SLC26A11: variants seen among roughly 807,000 people sequenced by gnomAD.
The protein encoded by SLC26A11 is solute carrier family 26 member 11, also known as sodium-independent sulfate anion transporter.
In SLC26A11, 58 loss-of-function variants were observed where a neutral mutation model predicts 62.2. The observed-to-expected ratio is 0.93, with a 90% CI of 0.76 to 1.16. The LOEUF (loss-of-function observed/expected upper bound fraction) is 1.16, where lower values mean the gene tolerates loss of function less well. Ranked by LOEUF, SLC26A11 falls within the 50% of genes most tolerant of loss-of-function variation. The probability of loss-of-function intolerance (pLI) is 0.00; values close to 1 mark genes in which losing one functional copy is unlikely to be tolerated. For synonymous variants in SLC26A11, 411 were observed against 368.9 expected (o/e 1.11, Z -1.31); for missense variants, 790 against 794.3 (o/e 0.99, Z 0.06).
chr17:80,222,614 G>A lies in SLC26A11; in HGVS notation c.235-41G>A. On this transcript the variant is annotated intron_variant, in intron 3 of 17. Transcript: ENST00000361193. The surrounding 1 kb of genome is among the most constrained non-coding windows in gnomAD (Gnocchi z 4.7). ...CGCACACTAGGGAGCTGGTGGATGG[G>A]CCTCGGCCTCCTGAGTGCTCACCAC... 6.3e-7 allele frequency: 1 copy of A among 1,589,764 alleles called. No homozygotes were observed. The highest frequency in any genetic ancestry group is 8.6e-7 in the Non-Finnish European group (1 of 1,164,224).
rs370502982 is a variant in SLC26A11, at chr17:80,221,664, C to T, written c.104C>T (p.Pro35Leu). ...CCTGCGGCCCTGCAGAGGAGGCTGC[C>T]CATCCTGGCGTGGCTGCCCAGCTAC... ...CSPAALQRRLPILAWLPSYSL... is the reference protein window; with the variant it reads ...CSPAALQRRLLILAWLPSYSL... The change falls in exon 3 of 18, where the codon CCC becomes CTC. Residue 35 changes from proline (P) to leucine (L), a missense_variant. By Grantham distance (98) the Pro-to-Leu change is moderately conservative. Transcript: ENST00000361193. The T allele has an allele frequency of 8.8e-5, 142 of 1,613,008 alleles. No individual in the cohort carries two copies. The highest frequency in any genetic ancestry group is 1.1e-4 in the Non-Finnish European group (124 of 1,179,992).
rs769659229 is a variant in SLC26A11 at position 80,223,334 on chromosome 17, C to A, written c.510C>A (p.Ile170=). The stretch of plus-strand genomic sequence containing the variant: ...CCGTCACCATCGGCTTTGGACAGAT[C>A]AAGGTAGGCACGGCGCCCACCCAGG... ...AAAVTIGFGQ[I]KNLLGLQNIP... The change falls in exon 5 of 18, where the codon ATC becomes ATA. Residue 170 remains isoleucine, a synonymous_variant. Transcript: ENST00000361193. The surrounding 1 kb of genome is among the most constrained non-coding windows in gnomAD (Gnocchi z 4.6). The A allele has an allele frequency of 6.2e-7, 1 of 1,613,912 alleles. No individual in the cohort carries two copies.
chr17:80,231,050 A>G (rs2144903526), intron 7 of SLC26A11, among the ~76,000 whole-genome samples: 1 of 144,146 alleles, frequency 6.9e-6, no homozygotes, highest in East Asian at 2.1e-4. Context: ...GGTTTCATTG[A>G]TCTCCCTTTT....
chr17:80,229,383 C>T (rs1481371991), intron 7 of SLC26A11, among the ~76,000 whole-genome samples: 8 of 151,928 alleles, frequency 5.3e-5, no homozygotes, highest in Non-Finnish European at 2.9e-5. Context: ...AGCTTTAGTT[C>T]AGTTGTCCGT....
intron 14 of SLC26A11, 76 bp downstream of exon 14, chr17:80,248,333 C>T (rs968593124): frequency 1.7e-5 from 26 of 1,519,122 alleles, no homozygotes; most frequent in East Asian, 2.4e-5. Flanking sequence ...TTTTGAGGGT[C>T]CGGGGTGATT....
intron 7 of SLC26A11, 117 bp from the exon 8 acceptor site, chr17:80,236,811 G>A: frequency 1.9e-6 from 2 of 1,063,360 alleles, no homozygotes; most frequent in South Asian, 1.5e-5. Context: ...TGAGGACTGT[G>A]GCCCGGTGGG....
intron 5 of SLC26A11, among the ~76,000 whole-genome samples, chr17:80,224,440 TGAGAGTGTGAGTGTGA>T (rs2042342249): frequency 9.0e-6 from 1 of 111,206 alleles, no homozygotes; most frequent in Non-Finnish European, 1.9e-5. Context: ...GGTGTGGGTG[TGAGAGTGTGAGTGTGA>T]GAGTGTGAGT....
chr17:80,240,105 C>T (rs1193030549), intron 9 of SLC26A11, among the ~76,000 whole-genome samples: 5 of 152,222 alleles, frequency 3.3e-5, no homozygotes, highest in Non-Finnish European at 5.9e-5. Flanking sequence ...CGGTGGCACA[C>T]GCCTGTAGTC....
rs2043009515 is a variant in SLC26A11, at chr17:80,246,723, C to T, written c.1294+74C>T. ...GCGGAGGGTGTCATTTATGCTACCC[C>T]ATTTTCCTGCAGCCCCCTCTGTGGG... On this transcript the variant is annotated intron_variant, in intron 13 of 17. Coordinates refer to ENST00000361193, the MANE Select transcript of SLC26A11 (RefSeq NM_001166347.2). The surrounding 1 kb of genome is among the most constrained non-coding windows in gnomAD (Gnocchi z 4.4). 6.6e-7 allele frequency: 1 copy of T among 1,524,476 alleles called. No individual in the cohort carries two copies. Among genetic ancestry groups the T allele is most frequent in the Non-Finnish European group, 8.9e-7 (1 of 1,129,744 alleles). The allele number at this position is 1,524,476 out of a possible 1,614,324, so 94.4% of individuals were successfully genotyped here. A position where few individuals can be genotyped will look rare whatever the true frequency, so the allele number is the denominator to read the frequency against.
chr17:80,248,497 G>T, intron 14 of SLC26A11, 78 bp from the exon 15 acceptor site: 4 of 1,439,458 alleles, frequency 2.8e-6, no homozygotes. Flanking sequence ...TTGGGTGGGG[G>T]CTTCCCGCTT....
chr17:80,232,621 G>C (rs1404598108), intron 7 of SLC26A11, among the ~76,000 whole-genome samples: 6 of 152,146 alleles, frequency 3.9e-5, no homozygotes, highest in Admixed American at 3.9e-4. Context: ...GCATATAGAT[G>C]GGATTTGTTT....
chr17:80,237,434 G>A lies in SLC26A11; in HGVS notation c.913-88G>A, dbSNP rs778684644. ...AAGCACTTGCTCCTGTTACCTGTGG[G>A]GCGGGGTGGGTCCTTGCTGCTTTCA... On this transcript the variant is annotated intron_variant, in intron 8 of 17. Coordinates refer to ENST00000361193, the MANE Select transcript of SLC26A11 (RefSeq NM_001166347.2). 32 of 1,242,562 alleles carry A rather than the reference G, an allele frequency of 2.6e-5. No individual in the cohort carries two copies. In the African/African-American group the frequency reaches 4.0e-4, roughly 16 times the overall value. 77.0% of individuals were successfully genotyped at this position (1,242,562 alleles called of 1,614,324 possible).
chr17:80,222,320 G>T lies in SLC26A11; in HGVS notation c.235-335G>T. 4.4e-6 allele frequency: 1 copy of T among 226,334 alleles called. No individual in the cohort carries two copies. The highest frequency in any genetic ancestry group is 8.5e-6 in the Non-Finnish European group (1 of 117,194). The allele number at this position is 226,334 out of a possible 1,614,324, so 14.0% of individuals were successfully genotyped here. ...GAACCCGGGAGGCGGAGCTTGCAGTGAGCCGAGACTGTGCCACTGCCCTCC... is the reference window on the plus strand; with the variant it reads ...GAACCCGGGAGGCGGAGCTTGCAGTTAGCCGAGACTGTGCCACTGCCCTCC... On this transcript the variant is annotated intron_variant, in intron 3 of 17. Transcript: ENST00000361193. The surrounding 1 kb of genome is among the most constrained non-coding windows in gnomAD (Gnocchi z 4.7).
chr17:80,241,064 C>CA, intron 9 of SLC26A11, among the ~76,000 whole-genome samples: 1 of 152,290 alleles, frequency 6.6e-6, no homozygotes. Flanking sequence ...GTGATAGTGC[C>CA]ACTGCACTCC....
At chr17:80,225,673 G>A in intron 5 of SLC26A11, 164 bp from the exon 6 acceptor site, 2 of 643,116 alleles carry the variant, frequency 3.1e-6, no homozygotes, top group Non-Finnish European at 5.6e-6. Context: ...CGTTGGGAGT[G>A]GGCAGGTGGA....
chr17:80,243,215 C>T (rs1415805931), intron 10 of SLC26A11, among the ~76,000 whole-genome samples: 5 of 152,158 alleles, frequency 3.3e-5, no homozygotes, highest in Middle Eastern at 3.2e-3. Flanking sequence ...CACAAAGGGA[C>T]GTTGCCCGGG....
In SLC26A11 at chr17:80,238,831, T is replaced by G. The variant is rs1157303705; in HGVS notation, c.985+1237T>G. 2.1e-5 allele frequency among the ~76,000 whole-genome samples: 3 copies of G among 142,980 alleles called. 1 individual carries two copies. The highest frequency in any genetic ancestry group is 4.6e-5 in the Non-Finnish European group (3 of 65,860). 93.8% of individuals were successfully genotyped at this position (142,980 alleles called of 152,430 possible). A position where few individuals can be genotyped will look rare whatever the true frequency, so the allele number is the denominator to read the frequency against. ...AAGGAGTTTTTTTTGTTTTTTGTTTTTTTTTTTTTTTGGAGACAGAGTCTC... is the reference window on the plus strand; with the variant it reads ...AAGGAGTTTTTTTTGTTTTTTGTTTGTTTTTTTTTTTGGAGACAGAGTCTC... On this transcript the variant is annotated intron_variant, in intron 9 of 17. Coordinates refer to ENST00000361193, the MANE Select transcript of SLC26A11 (RefSeq NM_001166347.2).
At position 80,222,793 on chromosome 17, in the gene SLC26A11, C is replaced by T. The variant is rs2042259573; in HGVS notation, c.373C>T (p.Leu125=). The change falls in exon 4 of 18, where the codon CTG becomes TTG. Residue 125 remains leucine, a synonymous_variant. Coordinates refer to ENST00000361193, the MANE Select transcript of SLC26A11 (RefSeq NM_001166347.2). The surrounding 1 kb of genome is among the most constrained non-coding windows in gnomAD (Gnocchi z 4.7). ...YTFHEPAYAV[L]LAFLSGCIQL... ...CTTCCATGAGCCCGCCTACGCTGTGCTGCTGGCCTTCCTGTCCGGCTGCAT... is the reference window on the plus strand; with the variant it reads ...CTTCCATGAGCCCGCCTACGCTGTGTTGCTGGCCTTCCTGTCCGGCTGCAT... 6.2e-7 allele frequency: 1 copy of T among 1,614,234 alleles called. No individual in the cohort carries two copies. Among genetic ancestry groups the T allele is most frequent in the African/African-American group, 1.3e-5 (1 of 75,068 alleles).
Position 80,246,689 on chromosome 17 carries a change from T to C in SLC26A11, c.1294+40T>C. 2.5e-6 allele frequency: 4 copies of C among 1,599,884 alleles called. No homozygotes were observed. Among genetic ancestry groups the C allele is most frequent in the Admixed American group, 1.7e-5 (1 of 57,906 alleles). ...TACAGGGGAGAGCGCTGTGATGCGG[T>C]GTCTGAACGCGGAGGGTGTCATTTA... On this transcript the variant is annotated intron_variant, in intron 13 of 17. Transcript: ENST00000361193. This position sits in a 1 kb window ranked among gnomAD's most constrained non-coding sequence, Gnocchi z 4.4.
Sources: allele counts gnomAD v4.1 joint callset (sites outside exome capture counted in the v4.1 genomes callset), GRCh38; gene constraint gnomAD v4.1.1; non-coding constraint Gnocchi (gnomAD v3.1); transcripts MANE v1.5; gene names NCBI Gene and HGNC (gene_info 2026-07-23, HGNC 2026-07-21).